GREM1: variants seen among roughly 807,000 people sequenced by gnomAD.
The protein encoded by GREM1 is gremlin-1.
GREM1 carries 6 observed loss-of-function variants against 13.1 expected under a neutral mutation model. That is an observed-to-expected ratio of 0.46 (90% CI 0.25 to 0.91). The LOEUF (loss-of-function observed/expected upper bound fraction) is 0.91. Ranked by LOEUF, GREM1 falls within the 40% of genes least tolerant of loss-of-function variation. The probability of loss-of-function intolerance (pLI) is 0.18; values close to 1 mark genes in which losing one functional copy is unlikely to be tolerated. For missense variants in GREM1, 185 were observed against 233.9 expected (o/e 0.79, Z 1.36); for synonymous variants, 98 against 93.7 (o/e 1.05, Z -0.27).
chr15:32,729,405 C>T (rs1307133451), intron 1 of GREM1, among the ~76,000 whole-genome samples: 1 of 152,186 alleles, frequency 6.6e-6, no homozygotes, highest in African/African-American at 2.4e-5. Flanking sequence ...TTCTCTCTTG[C>T]ACTCTCCTTT....
At chr15:32,720,877 C>T (rs2055394566) in intron 1 of GREM1, among the ~76,000 whole-genome samples, 1 of 152,166 alleles carries the variant, frequency 6.6e-6, no homozygotes, top group Non-Finnish European at 1.5e-5. Flanking sequence ...GCTGGCTGGG[C>T]TAGGCACAGT....
rs1027419029 is a variant in GREM1 at position 32,731,487 on chromosome 15, T to A, written c.*242T>A. The A allele has an allele frequency of 1.5e-5, 8 of 549,642 alleles. No individual in the cohort carries two copies. The highest frequency in any genetic ancestry group is 3.5e-5 in the Admixed American group (1 of 28,968). 34.0% of individuals were successfully genotyped at this position (549,642 alleles called of 1,614,324 possible). ...GAGCACTCCCTATTTTGTAAACATA[T>A]CTGCTTTAATGGGGATGTACCAGAA... On this transcript the variant is annotated 3_prime_UTR_variant, in exon 2 of 2. Coordinates refer to ENST00000651154, the MANE Select transcript of GREM1 (RefSeq NM_013372.7).
chr15:32,735,229 T>C lies in GREM1; in HGVS notation c.*3984T>C, dbSNP rs1362208778. ...TCTGAGGTCCCTTTCTACTTAGATA[T>C]ATAATACAAGATTTCTATTAGGTAT... On this transcript the variant is annotated 3_prime_UTR_variant, in exon 2 of 2. Coordinates refer to ENST00000651154, the MANE Select transcript of GREM1 (RefSeq NM_013372.7). 1.3e-5 allele frequency: 2 copies of C among 152,314 alleles called. No individual in the cohort carries two copies. Among genetic ancestry groups the C allele is most frequent in the Admixed American group, 6.5e-5 (1 of 15,290 alleles). 9.4% of individuals were successfully genotyped at this position (152,314 alleles called of 1,614,324 possible). A position where few individuals can be genotyped will look rare whatever the true frequency, so the allele number is the denominator to read the frequency against.
chr15:32,721,650 A>C (rs1198602973), intron 1 of GREM1, among the ~76,000 whole-genome samples: 1 of 152,060 alleles, frequency 6.6e-6, no homozygotes, highest in African/African-American at 2.4e-5. Context: ...GCTACTTGGG[A>C]GGCTGAGGCA....
intron 1 of GREM1, among the ~76,000 whole-genome samples, chr15:32,720,323 C>T (rs1274727864): frequency 6.6e-6 from 1 of 152,138 alleles, no homozygotes; most frequent in Admixed American, 6.5e-5. Context: ...GGGCTGCCTA[C>T]CCTGTCTTTG....
In GREM1 at chr15:32,742,019, A is replaced by C. The variant is rs1040331033; in HGVS notation, c.*10774A>C. The C allele has an allele frequency of 4.6e-5, 7 of 152,168 alleles. No individual in the cohort carries two copies. Among genetic ancestry groups the C allele is most frequent in the African/African-American group, 1.7e-4 (7 of 41,442 alleles). 9.4% of individuals were successfully genotyped at this position (152,168 alleles called of 1,614,324 possible). ...AAGCATACTTGCATCCTAGGAATAA[A>C]TCCCACTTTGTCATAGTCTTTGATC... On this transcript the variant is annotated 3_prime_UTR_variant, in exon 2 of 2. Coordinates refer to ENST00000651154, the MANE Select transcript of GREM1 (RefSeq NM_013372.7).
At chr15:32,723,414 G>A (rs751494602) in intron 1 of GREM1, among the ~76,000 whole-genome samples, 1 of 151,002 alleles carries the variant, frequency 6.6e-6, no homozygotes, top group Non-Finnish European at 1.5e-5. Flanking sequence ...CAGCTAGTGT[G>A]CCTCAGAGCA....
intron 1 of GREM1, among the ~76,000 whole-genome samples, chr15:32,725,701 A>T (rs1255236492): frequency 6.6e-6 from 1 of 152,150 alleles, no homozygotes; most frequent in East Asian, 1.9e-4. Context: ...TTAGTCATGA[A>T]GTCTTTGCCC....
chr15:32,719,411 T>C (rs1208970125), intron 1 of GREM1, among the ~76,000 whole-genome samples: 4 of 152,162 alleles, frequency 2.6e-5, no homozygotes, highest in Non-Finnish European at 4.4e-5. Flanking sequence ...GTGAAGAAAT[T>C]CCTGCGCGCC....
rs1358934417 is a variant in GREM1 at position 32,737,078 on chromosome 15, A to G, written c.*5833A>G. On this transcript the variant is annotated 3_prime_UTR_variant, in exon 2 of 2. Coordinates refer to ENST00000651154, the MANE Select transcript of GREM1 (RefSeq NM_013372.7). ...CAAACTACTGAAACTGATTCAAGAA[A>G]AAATAAAAATCTGAATAGAGCTATC... 2 of 152,226 alleles carry G rather than the reference A, an allele frequency of 1.3e-5. No homozygotes were observed. Among genetic ancestry groups the G allele is most frequent in the East Asian group, 1.9e-4 (1 of 5,200 alleles). The allele number at this position is 152,226 out of a possible 1,614,324, so 9.4% of individuals were successfully genotyped here.
rs2055776494 is a variant in GREM1 at position 32,743,185 on chromosome 15, G to A, written c.*11940G>A. 6.6e-6 allele frequency: 1 copy of A among 152,196 alleles called. No individual in the cohort carries two copies. The highest frequency in any genetic ancestry group is 2.4e-5 in the African/African-American group (1 of 41,458). The allele number at this position is 152,196 out of a possible 1,614,324, so 9.4% of individuals were successfully genotyped here. A position where few individuals can be genotyped will look rare whatever the true frequency, so the allele number is the denominator to read the frequency against. On this transcript the variant is annotated 3_prime_UTR_variant, in exon 2 of 2. Coordinates refer to ENST00000651154, the MANE Select transcript of GREM1 (RefSeq NM_013372.7). ...GAAATGGACTTGAAGCTCAAAGAAAGCCCATAATATATTCCTTAAGATTTG... is the reference window on the plus strand; with the variant it reads ...GAAATGGACTTGAAGCTCAAAGAAAACCCATAATATATTCCTTAAGATTTG...
At chr15:32,728,688 TATG>T (rs1266889756) in intron 1 of GREM1, among the ~76,000 whole-genome samples, 1 of 152,230 alleles carries the variant, frequency 6.6e-6, no homozygotes, top group Non-Finnish European at 1.5e-5. Flanking sequence ...TAGTGGTTAT[TATG>T]TGTAATACTG....
chr15:32,733,223 C>G lies in GREM1; in HGVS notation c.*1978C>G, dbSNP rs563223080. 23 of 225,830 alleles carry G rather than the reference C, an allele frequency of 1.0e-4. No individual in the cohort carries two copies. Among genetic ancestry groups the G allele is most frequent in the African/African-American group, 5.0e-4 (22 of 44,270 alleles). The allele number at this position is 225,830 out of a possible 1,614,324, so 14.0% of individuals were successfully genotyped here. A position where few individuals can be genotyped will look rare whatever the true frequency, so the allele number is the denominator to read the frequency against. On this transcript the variant is annotated 3_prime_UTR_variant, in exon 2 of 2. Transcript: ENST00000651154. ...ACCCCACCCCAAATCTTTGTATTGT[C>G]CACATTCTCCAACAATAAAGCACAG...
chr15:32,735,259 G>C lies in GREM1; in HGVS notation c.*4014G>C, dbSNP rs1449956993. 1 of 152,116 alleles carries C rather than the reference G, an allele frequency of 6.6e-6. No homozygotes were observed. The highest frequency in any genetic ancestry group is 6.5e-5 in the Admixed American group (1 of 15,278). 9.4% of individuals were successfully genotyped at this position (152,116 alleles called of 1,614,324 possible). Reference sequence around the variant, plus strand: ...TACAAGATTTCTATTAGGTATGGGTGCTCTGATGATAATGAAAATCCCAGC... The same window carrying C: ...TACAAGATTTCTATTAGGTATGGGTCCTCTGATGATAATGAAAATCCCAGC... On this transcript the variant is annotated 3_prime_UTR_variant, in exon 2 of 2. Coordinates refer to ENST00000651154, the MANE Select transcript of GREM1 (RefSeq NM_013372.7).
intron 1 of GREM1, among the ~76,000 whole-genome samples, chr15:32,720,676 C>G (rs1181112225): frequency 6.6e-6 from 1 of 152,102 alleles, no homozygotes; most frequent in African/African-American, 2.4e-5. Context: ...ATTCCTGGGA[C>G]AAGAGAAATC....
At chr15:32,725,646 T>A (rs1227829970) in intron 1 of GREM1, among the ~76,000 whole-genome samples, 1 of 152,236 alleles carries the variant, frequency 6.6e-6, no homozygotes, top group African/African-American at 2.4e-5. Flanking sequence ...TTTAATTAGA[T>A]CCAATTTGTC....
In GREM1 at chr15:32,738,384, A is replaced by G. The variant is rs901501772; in HGVS notation, c.*7139A>G. ...TGAATAGTATCAAAAAGAATAAAAT[A>G]CATAGAAAAAATGTAACAGGAAGTG... is the stretch of plus-strand genomic sequence containing the variant. On this transcript the variant is annotated 3_prime_UTR_variant, in exon 2 of 2. Coordinates refer to ENST00000651154, the MANE Select transcript of GREM1 (RefSeq NM_013372.7). 6.6e-6 allele frequency: 1 copy of G among 152,042 alleles called. No homozygotes were observed. Among genetic ancestry groups the G allele is most frequent in the Non-Finnish European group, 1.5e-5 (1 of 68,018 alleles). 9.4% of individuals were successfully genotyped at this position (152,042 alleles called of 1,614,324 possible).
At position 32,733,982 on chromosome 15, in the gene GREM1, G is replaced by C. The variant is rs373869559; in HGVS notation, c.*2737G>C. 4.1e-6 allele frequency: 1 copy of C among 241,190 alleles called. No homozygotes were observed. The allele number at this position is 241,190 out of a possible 1,614,324, so 14.9% of individuals were successfully genotyped here. On this transcript the variant is annotated 3_prime_UTR_variant, in exon 2 of 2. Transcript: ENST00000651154. ...TGTGAATAGTTAAATGAAAAGTTAT[G>C]GTTATTTAATGTAATTATTACTTCA...
chr15:32,718,030 C>A lies in GREM1; in HGVS notation c.-133C>A, dbSNP rs1397878604. 6.4e-6 allele frequency: 7 copies of A among 1,098,440 alleles called. No individual in the cohort carries two copies. Among genetic ancestry groups the A allele is most frequent in the African/African-American group, 1.6e-5 (1 of 60,696 alleles). 68.0% of individuals were successfully genotyped at this position (1,098,440 alleles called of 1,614,324 possible). ...CTCGGTGCGCCTTCCGCGGACCGGG[C>A]GACCCAGTGCACGGCCGCCGCGTCA... On this transcript the variant is annotated 5_prime_UTR_variant, in exon 1 of 2. Coordinates refer to ENST00000651154, the MANE Select transcript of GREM1 (RefSeq NM_013372.7).
Sources: gnomAD v4.1 joint callset for allele counts (sites outside exome capture counted in the v4.1 genomes callset) on GRCh38, gnomAD v4.1.1 for gene constraint, MANE v1.5 for transcripts, NCBI Gene and HGNC (gene_info 2026-07-23, HGNC 2026-07-21) for gene names.